LRRC43: variants seen among roughly 807,000 people sequenced by gnomAD.
LRRC43 encodes the protein leucine-rich repeat-containing protein 43.
Under a neutral mutation model 64.3 loss-of-function variants are expected in LRRC43, and 62 were observed. The ratio of observed to expected loss-of-function variants is 0.96; its 90% CI spans 0.79 to 1.19. The LOEUF (loss-of-function observed/expected upper bound fraction) is 1.19, where lower values mean the gene tolerates loss of function less well. Ranked by LOEUF, LRRC43 falls within the 50% of genes most tolerant of loss-of-function variation. The probability of loss-of-function intolerance (pLI) is 0.00; values close to 1 mark genes in which losing one functional copy is unlikely to be tolerated. For missense variants in LRRC43, 868 were observed against 845.0 expected (o/e 1.03, Z -0.34); for synonymous variants, 422 against 382.3 (o/e 1.10, Z -1.21).
At position 122,200,371 on chromosome 12, in the gene LRRC43, A is replaced by G. The variant is rs1262918737; in HGVS notation, c.1491+41A>G. On this transcript the variant is annotated intron_variant, in intron 8 of 11. Transcript: ENST00000339777. The surrounding 1 kb of genome is among the most constrained non-coding windows in gnomAD (Gnocchi z 4.6). ...CAGTGCCCGGCCATCCACAGGCTGC[A>G]CTTCTGTCCTTGTTCCTGTTCCCAT... 1 of 1,608,060 alleles carries G rather than the reference A, an allele frequency of 6.2e-7. No homozygotes were observed. Among genetic ancestry groups the G allele is most frequent in the African/African-American group, 1.3e-5 (1 of 74,728 alleles).
chr12:122,201,804 C>T (rs975977675), intron 11 of LRRC43, among the ~76,000 whole-genome samples: 3 of 152,230 alleles, frequency 2.0e-5, no homozygotes, highest in Admixed American at 1.3e-4. Flanking sequence ...GCATGAGGCC[C>T]GATCATAGCA....
chr12:122,193,057 G>A (rs960121238), intron 7 of LRRC43, 53 bp downstream of exon 7: 1 of 1,577,362 alleles, frequency 6.3e-7, no homozygotes, highest in African/African-American at 1.4e-5. Context: ...AGGGTCACGA[G>A]CCTAGACCAC....
chr12:122,194,409 A>T (rs1273895044), intron 7 of LRRC43, among the ~76,000 whole-genome samples: 1 of 151,790 alleles, frequency 6.6e-6, no homozygotes, highest in Non-Finnish European at 1.5e-5. Flanking sequence ...TCTACTAAAT[A>T]CAAAAAATTA....
At chr12:122,168,828 C>T (rs1953461526) in intron 1 of LRRC43, among the ~76,000 whole-genome samples, 1 of 152,158 alleles carries the variant, frequency 6.6e-6, no homozygotes, top group Non-Finnish European at 1.5e-5. Flanking sequence ...CCACATTGTG[C>T]TTAGTGCTTG....
At position 122,200,134 on chromosome 12, in the gene LRRC43, C is replaced by T; in HGVS notation, c.1350-55C>T. On this transcript the variant is annotated intron_variant, in intron 7 of 11. Coordinates refer to ENST00000339777, the MANE Select transcript of LRRC43 (RefSeq NM_001098519.2). The surrounding 1 kb of genome is among the most constrained non-coding windows in gnomAD (Gnocchi z 4.6). Reference sequence around the variant, plus strand: ...TCCCCTCACAGTCCTGTCCCGGGTCCCTGGCCACAGCCCCTGGGTGACGGC... The same window carrying T: ...TCCCCTCACAGTCCTGTCCCGGGTCTCTGGCCACAGCCCCTGGGTGACGGC... 1 of 1,588,272 alleles carries T rather than the reference C, an allele frequency of 6.3e-7. No homozygotes were observed. Among genetic ancestry groups the T allele is most frequent in the Non-Finnish European group, 8.6e-7 (1 of 1,165,758 alleles).
chr12:122,198,506 T>C (rs113100676), intron 7 of LRRC43, among the ~76,000 whole-genome samples: 19,464 of 152,078 alleles, frequency 0.13, 2,208 homozygotes, highest in African/African-American at 0.31. Context: ...CTGTTCTGGA[T>C]ATTTCATATG....
chr12:122,171,240 G>A (rs1953482789), intron 1 of LRRC43, among the ~76,000 whole-genome samples: 1 of 152,240 alleles, frequency 6.6e-6, no homozygotes, highest in African/African-American at 2.4e-5. Flanking sequence ...GAGAAGCTCA[G>A]GCTGGAAACT....
chr12:122,168,395 T>C (rs1303663219), intron 1 of LRRC43, among the ~76,000 whole-genome samples: 1 of 151,204 alleles, frequency 6.6e-6, no homozygotes, highest in African/African-American at 2.4e-5. Flanking sequence ...GAGCCGAGAT[T>C]GCATCATTGC....
At chr12:122,188,373 C>T (rs1158064097) in intron 4 of LRRC43, among the ~76,000 whole-genome samples, 1 of 151,914 alleles carries the variant, frequency 6.6e-6, no homozygotes, top group East Asian at 1.9e-4. Context: ...TCCCAAAGTG[C>T]TGGGATTACA....
At chr12:122,202,209 T>C (rs971401010) in intron 11 of LRRC43, 2 of 152,134 alleles carry the variant, frequency 1.3e-5, no homozygotes, top group African/African-American at 4.8e-5. Context: ...AAAAAGGTTT[T>C]TTTTTTTTTA....
rs1168842505 is a variant in LRRC43, at chr12:122,193,354, C to CT, written c.1349+350_1349+351insT. On this transcript the variant is annotated intron_variant, in intron 7 of 11. Transcript: ENST00000339777. ...CGAGATCGTGCCACTGCGCTCCAGC[C>CT]CGGCGACAGAGCGAGACTCCGTCTC... Among the ~76,000 whole-genome samples, 305 of 142,166 alleles carry CT rather than the reference C, an allele frequency of 2.1e-3. 3 individuals carry two copies. Among genetic ancestry groups the CT allele is most frequent in the African/African-American group, 6.5e-3 (240 of 37,128 alleles). 93.3% of individuals were successfully genotyped at this position (142,166 alleles called of 152,430 possible). A position where few individuals can be genotyped will look rare whatever the true frequency, so the allele number is the denominator to read the frequency against.
chr12:122,185,622 G>A (rs889367905), intron 2 of LRRC43, among the ~76,000 whole-genome samples: 14 of 152,350 alleles, frequency 9.2e-5, no homozygotes, highest in Middle Eastern at 3.4e-3. Flanking sequence ...GAAGTGACAC[G>A]GCACTAGGGG....
intron 1 of LRRC43, among the ~76,000 whole-genome samples, chr12:122,177,041 G>T (rs1279376256): frequency 6.6e-6 from 1 of 152,034 alleles, no homozygotes; most frequent in East Asian, 1.9e-4. Context: ...ATATCCTCTA[G>T]CAGAGTCCAT....
In LRRC43 at chr12:122,200,817, G is replaced by T. The variant is rs1467509417; in HGVS notation, c.1692G>T (p.Val564=). ...ELRQDPPILQ[V]LGRGLVILEP... is the part of the protein sequence containing the mutation. ...GGCAGGACCCCCCCATCCTCCAGGT[G>T]CTGGGCCGGGGCCTGGTGATCCTGG... is the stretch of plus-strand genomic sequence containing the variant. The change falls in exon 10 of 12, where the codon GTG becomes GTT. Residue 564 remains valine (V), a synonymous_variant. Transcript: ENST00000339777. The surrounding 1 kb of genome is among the most constrained non-coding windows in gnomAD (Gnocchi z 4.6). 3 of 1,613,166 alleles carry T rather than the reference G, an allele frequency of 1.9e-6. No individual in the cohort carries two copies. The highest frequency in any genetic ancestry group is 2.5e-6 in the Non-Finnish European group (3 of 1,180,006).
At chr12:122,172,263 C>A in intron 1 of LRRC43, 1 of 612,406 alleles carries the variant, frequency 1.6e-6, no homozygotes, top group East Asian at 2.7e-5. Flanking sequence ...ACATCTCAGC[C>A]CTCCCGGGAC....
At chr12:122,182,795 C>G (rs1953594109), upstream of LRRC43, among the ~76,000 whole-genome samples, 1 of 152,164 alleles carries the variant, frequency 6.6e-6, no homozygotes. Flanking sequence ...GTTAGAGAGA[C>G]CACCCTGGAA....
chr12:122,178,566 C>T (rs1953556231), upstream of LRRC43, among the ~76,000 whole-genome samples: 1 of 143,212 alleles, frequency 7.0e-6, no homozygotes, highest in South Asian at 2.3e-4. Flanking sequence ...AGGAAAAATA[C>T]GTAAGAGGTG....
intron 1 of LRRC43, among the ~76,000 whole-genome samples, chr12:122,176,297 T>C (rs1953536484): frequency 6.6e-6 from 1 of 151,748 alleles, no homozygotes; most frequent in Non-Finnish European, 1.5e-5. Flanking sequence ...CAGGTGAAAA[T>C]GAGCTCGATG....
upstream of LRRC43, among the ~76,000 whole-genome samples, chr12:122,181,522 G>C (rs150823250): frequency 6.7e-6 from 1 of 150,194 alleles, no homozygotes; most frequent in Non-Finnish European, 1.5e-5. Context: ...CAGCCTGGAC[G>C]GCAGAGGGAG....
Sources: gnomAD v4.1 joint callset for allele counts (sites outside exome capture counted in the v4.1 genomes callset) on GRCh38, gnomAD v4.1.1 for gene constraint, Gnocchi (gnomAD v3.1) non-coding constraint, MANE v1.5 for transcripts, NCBI Gene and HGNC (gene_info 2026-07-23, HGNC 2026-07-21) for gene names.